Variants in TTC23L observed in about 807,000 individuals in gnomAD.
The protein encoded by TTC23L is tetratricopeptide repeat protein 23-like.
A neutral mutation model predicts 48.1 loss-of-function variants in TTC23L; 42 were observed. That is an observed-to-expected ratio of 0.87 (90% CI 0.68 to 1.13). The LOEUF (loss-of-function observed/expected upper bound fraction) is 1.13. TTC23L is among the 50% of genes most tolerant of loss of function. The pLI, the probability that TTC23L is intolerant of heterozygous loss-of-function variation, is 0.00. For synonymous variants in TTC23L, 159 were observed against 157.2 expected, an observed-to-expected ratio of 1.01 and a Z score of -0.09; for missense variants, 391 against 421.0, an observed-to-expected ratio of 0.93 and a Z score of 0.62.
the TTC23L span, chr5:34,914,748 T>C: frequency 6.2e-7 from 1 of 1,614,260 alleles, no homozygotes; most frequent in Non-Finnish European, 8.5e-7. Context: ...GTTACTTTGA[T>C]ACCATTTTTA....
intron 7 of TTC23L, chr5:34,868,053 G>A (rs182596960): frequency 1.3e-5 from 2 of 152,234 alleles, no homozygotes; most frequent in African/African-American, 4.8e-5. Context: ...AGGATATATC[G>A]ATTCATTTAA....
At chr5:34,905,557 C>CT in the TTC23L span, 1 of 138,736 alleles carries the variant, frequency 7.2e-6, no homozygotes, top group South Asian at 2.5e-4. Context: ...GGTGGAAGCA[C>CT]TACATCATCG....
At chr5:34,897,484 T>G (rs1763307904) in intron 10 of TTC23L, among the ~76,000 whole-genome samples, 1 of 152,144 alleles carries the variant, frequency 6.6e-6, no homozygotes, top group Non-Finnish European at 1.5e-5. Context: ...TTAACATTTT[T>G]ATTTTTATAT....
intron 4 of TTC23L, among the ~76,000 whole-genome samples, chr5:34,853,709 T>G (rs141359425): frequency 3.3e-4 from 50 of 152,116 alleles, no homozygotes; most frequent in African/African-American, 1.2e-3. Context: ...GTTTCAACAG[T>G]TCAGATGGTA....
At chr5:34,915,198 C>G in the TTC23L span, among the ~76,000 whole-genome samples, 1 of 152,232 alleles carries the variant, frequency 6.6e-6, no homozygotes, top group African/African-American at 2.4e-5. Flanking sequence ...ACGCAACTGA[C>G]ACGGTATCTC....
rs537682344 is a variant in TTC23L at position 34,888,318 on chromosome 5, A to G, written c.1077+8010A>G. 1.2e-4 allele frequency: 23 copies of G among 185,006 alleles called. No individual in the cohort carries two copies. In the South Asian group the frequency reaches 2.2e-3, roughly 18 times the overall value. The allele number at this position is 185,006 out of a possible 1,614,324, so 11.5% of individuals were successfully genotyped here. ...TCTTTGTTATCAGCTTAGGAAACAA[A>G]TGAAATGTAGTGCAGGTGTTTGAAA... On this transcript the variant is annotated intron_variant, in intron 9 of 10. Coordinates refer to ENST00000505624, the Ensembl canonical transcript of TTC23L.
At chr5:34,923,533 C>G in the TTC23L span, among the ~76,000 whole-genome samples, 1 of 152,210 alleles carries the variant, frequency 6.6e-6, no homozygotes, top group Non-Finnish European at 1.5e-5. Context: ...CCGCCTTGGC[C>G]TCCCAAAGTG....
chr5:34,850,096 T>G, intron 3 of TTC23L, 89 bp from the exon 4 acceptor site: 1 of 1,423,000 alleles, frequency 7.0e-7, no homozygotes. Context: ...AGATGACAGG[T>G]GAATTCAGTC....
At chr5:34,868,568 C>T (rs1389463356) in intron 7 of TTC23L, 2 of 185,908 alleles carry the variant, frequency 1.1e-5, no homozygotes, top group Non-Finnish European at 2.3e-5. Context: ...TACAAGACTG[C>T]CTTCAAGACT....
At chr5:34,860,612 C>T (rs984574630) in intron 4 of TTC23L, among the ~76,000 whole-genome samples, 1 of 151,018 alleles carries the variant, frequency 6.6e-6, no homozygotes, top group Admixed American at 6.6e-5. Flanking sequence ...TTGAAGGCCA[C>T]CCTTAACTTA....
the TTC23L span, among the ~76,000 whole-genome samples, chr5:34,924,131 A>T: frequency 6.6e-6 from 1 of 152,228 alleles, no homozygotes; most frequent in Non-Finnish European, 1.5e-5. Context: ...TCACACAGTG[A>T]CTCATTCAGG....
chr5:34,864,995 CAATT>C (rs1478603495), intron 6 of TTC23L, among the ~76,000 whole-genome samples: 1 of 152,184 alleles, frequency 6.6e-6, no homozygotes, highest in African/African-American at 2.4e-5. Context: ...TTAATGAAGA[CAATT>C]AACTGGAAGC....
chr5:34,892,952 AGATATGACAT>A (rs1762969024), intron 9 of TTC23L, among the ~76,000 whole-genome samples: 1 of 152,208 alleles, frequency 6.6e-6, no homozygotes, highest in African/African-American at 2.4e-5. Context: ...AGTTTTGGGT[AGATATGACAT>A]GATCAATTAT....
At chr5:34,918,326 A>G in the TTC23L span, 24 of 1,097,000 alleles carry the variant, frequency 2.2e-5, no homozygotes, top group Non-Finnish European at 3.2e-5. Context: ...AGTTCAGTAT[A>G]AGATTTTAAA....
rs10941224 is a variant in TTC23L at position 34,884,036 on chromosome 5, A to T, written c.1077+3728A>T. 2.1e-4 allele frequency among the ~76,000 whole-genome samples: 32 copies of T among 152,324 alleles called. No homozygotes were observed. In the East Asian group the frequency reaches 6.2e-3, roughly 29 times the overall value. ...ACACTAGCAAACTAAATTTAACAGC[A>T]CATTAAAAGAGTCATGCACCATCAC... On this transcript the variant is annotated intron_variant, in intron 9 of 10. Coordinates refer to ENST00000505624, the Ensembl canonical transcript of TTC23L.
At chr5:34,923,066 A>C in the TTC23L span, 6 of 1,568,952 alleles carry the variant, frequency 3.8e-6, no homozygotes, top group Non-Finnish European at 5.3e-6. Context: ...ATATCTTTAA[A>C]ATTAGCTATC....
the TTC23L span, among the ~76,000 whole-genome samples, chr5:34,910,245 G>A: frequency 2.6e-5 from 4 of 152,016 alleles, no homozygotes; most frequent in Non-Finnish European, 4.4e-5. Context: ...GGTCCATCTC[G>A]TTACCCAGGC....
At chr5:34,880,412 A>G (rs1762145838) in intron 9 of TTC23L, 104 bp downstream of exon 9, 2 of 1,222,728 alleles carry the variant, frequency 1.6e-6, no homozygotes, top group Non-Finnish European at 1.1e-6. Flanking sequence ...TAGGTCCCAG[A>G]TAAAACTAGG....
chr5:34,914,673 T>C, the TTC23L span: 2 of 1,612,884 alleles, frequency 1.2e-6, no homozygotes, highest in Non-Finnish European at 1.7e-6. Context: ...TGGCACAGGC[T>C]TAAAGGCGCC....
Sources: gnomAD v4.1 joint callset for allele counts (sites outside exome capture counted in the v4.1 genomes callset) on GRCh38, gnomAD v4.1.1 for gene constraint, MANE v1.5 for transcripts, NCBI Gene and HGNC (gene_info 2026-07-23, HGNC 2026-07-21) for gene names.